The following RALGAPA1 variants were observed in gnomAD, a reference collection of about 807,000 sequenced individuals.
RALGAPA1 encodes the protein ral GTPase-activating protein subunit alpha-1.
RALGAPA1 carries 52 observed loss-of-function variants against 269.6 expected under a neutral mutation model. The ratio of observed to expected loss-of-function variants is 0.19; its 90% CI spans 0.15 to 0.24. RALGAPA1 has a LOEUF of 0.24. Ranked by LOEUF, RALGAPA1 falls within the 10% of genes least tolerant of loss-of-function variation. RALGAPA1 has a pLI of 1.00. For missense variants in RALGAPA1, 1,917 were observed against 3,013.9 expected (o/e 0.64, Z 8.52); for synonymous variants, 817 against 1,008.3 (o/e 0.81, Z 3.60).
intron 27 of RALGAPA1, among the ~76,000 whole-genome samples, chr14:35,664,423 G>C (rs1364477812): frequency 6.6e-6 from 1 of 152,176 alleles, no homozygotes; most frequent in Non-Finnish European, 1.5e-5. Flanking sequence ...AGACATGTGA[G>C]TAGGTTCAAT....
rs904080183 is a variant in RALGAPA1, at chr14:35,740,327, T to C, written c.1450-1677A>G. The stretch of plus-strand genomic sequence containing the variant: ...AATGTGGGCAACCAAAAGCTTTGTA[T>C]GGTATTTTGAAATTTGTGAGTGTTT... On this transcript the variant is annotated intron_variant, in intron 11 of 41. Coordinates refer to ENST00000680220, the MANE Select transcript of RALGAPA1 (RefSeq NM_001346249.2). 2.6e-5 allele frequency among the ~76,000 whole-genome samples: 4 copies of C among 152,214 alleles called. No homozygotes were observed. The South Asian group carries it at 6.2e-4, about 24-fold the overall frequency.
At chr14:35,757,474 A>C (rs10140509) in intron 6 of RALGAPA1, among the ~76,000 whole-genome samples, 17,444 of 152,158 alleles carry the variant, frequency 0.11, 1,672 homozygotes, top group East Asian at 0.37. Context: ...AATGTGACAA[A>C]GGGATGGACA....
intron 36 of RALGAPA1, among the ~76,000 whole-genome samples, chr14:35,602,333 G>C (rs1034432929): frequency 1.3e-5 from 2 of 152,108 alleles, no homozygotes; most frequent in African/African-American, 4.8e-5. Flanking sequence ...ATATACTTTG[G>C]GGGTAGAACT....
At chr14:35,708,407 GAAAA>G (rs1267324460) in intron 16 of RALGAPA1, among the ~76,000 whole-genome samples, 1 of 151,902 alleles carries the variant, frequency 6.6e-6, no homozygotes, top group Non-Finnish European at 1.5e-5. Context: ...AACTCTACAG[GAAAA>G]AAATTAATAA....
chr14:35,766,896 T>C (rs910566685), intron 4 of RALGAPA1: 2 of 428,656 alleles, frequency 4.7e-6, no homozygotes, highest in Non-Finnish European at 9.2e-6. Flanking sequence ...ATGGCAGGAC[T>C]GTCAGCAGTG....
At chr14:35,614,071 G>T (rs893992000) in intron 35 of RALGAPA1, among the ~76,000 whole-genome samples, 2 of 152,130 alleles carry the variant, frequency 1.3e-5, no homozygotes, top group East Asian at 1.9e-4. Context: ...AAAAAAGAAT[G>T]ACAATAACGA....
chr14:35,541,523 C>T (rs2053996214), intron 41 of RALGAPA1, among the ~76,000 whole-genome samples: 1 of 151,966 alleles, frequency 6.6e-6, no homozygotes. Flanking sequence ...GAGAAGGAAA[C>T]ATATTTCTGT....
chr14:35,654,517 G>T, intron 29 of RALGAPA1, 40 bp from the exon 30 acceptor site: 1 of 1,548,752 alleles, frequency 6.5e-7, no homozygotes, highest in South Asian at 1.3e-5. Context: ...TTTTCATGAT[G>T]AACTTTTCAT....
chr14:35,548,413 A>T, intron 41 of RALGAPA1, 95 bp downstream of exon 41: 1 of 828,026 alleles, frequency 1.2e-6, no homozygotes. Context: ...TGTTAAGTTT[A>T]CTTATTGTTT....
intron 1 of RALGAPA1, among the ~76,000 whole-genome samples, chr14:35,783,671 TG>T (rs1223894529): frequency 1.3e-5 from 2 of 152,198 alleles, no homozygotes; most frequent in African/African-American, 4.8e-5. Context: ...ATTATATACC[TG>T]ATTTTAAAAC....
intron 29 of RALGAPA1, 88 bp from the exon 30 acceptor site, chr14:35,654,565 A>C: frequency 7.1e-7 from 1 of 1,404,116 alleles, no homozygotes; most frequent in South Asian, 1.5e-5. Context: ...CATTTCATAC[A>C]TTTGTAGGAT....
chr14:35,679,027 T>A (rs1165943919), intron 21 of RALGAPA1, among the ~76,000 whole-genome samples: 4 of 152,160 alleles, frequency 2.6e-5, no homozygotes, highest in African/African-American at 4.8e-5. Flanking sequence ...ATAAACTTTG[T>A]AAGAACAGAA....
At chr14:35,556,016 CTA>C (rs2055561566) in intron 39 of RALGAPA1, among the ~76,000 whole-genome samples, 1 of 152,070 alleles carries the variant, frequency 6.6e-6, no homozygotes, top group African/African-American at 2.4e-5. Flanking sequence ...ACATTAGTGA[CTA>C]TACTACAGTA....
intron 26 of RALGAPA1, among the ~76,000 whole-genome samples, chr14:35,666,667 C>CA (rs1359552059): frequency 2.6e-5 from 4 of 151,728 alleles, no homozygotes; most frequent in Admixed American, 6.6e-5. Flanking sequence ...CCAGAAAATG[C>CA]AAAAAATGAC....
intron 41 of RALGAPA1, chr14:35,541,988 A>G: frequency 1.6e-6 from 2 of 1,233,602 alleles, no homozygotes; most frequent in Non-Finnish European, 2.1e-6. Context: ...GTGATGGTTC[A>G]CAATGACAAT....
intron 30 of RALGAPA1, among the ~76,000 whole-genome samples, chr14:35,653,365 G>A (rs1051582087): frequency 2.0e-5 from 3 of 152,218 alleles, no homozygotes; most frequent in African/African-American, 7.2e-5. Context: ...ATTCTGGTTA[G>A]GGAGAGCAGA....
At chr14:35,765,798 A>T in intron 4 of RALGAPA1, 1 of 502,732 alleles carries the variant, frequency 2.0e-6, no homozygotes, top group South Asian at 2.2e-5. Flanking sequence ...AGCCAGCCAA[A>T]AATTACTGTC....
At chr14:35,803,080 AC>A (rs2077095598) in intron 1 of RALGAPA1, among the ~76,000 whole-genome samples, 1 of 152,210 alleles carries the variant, frequency 6.6e-6, no homozygotes, top group Admixed American at 6.5e-5. Flanking sequence ...AGGAGGGACA[AC>A]ACTACTTGAT....
intron 16 of RALGAPA1, among the ~76,000 whole-genome samples, chr14:35,720,112 G>A (rs963453171): frequency 1.3e-5 from 2 of 152,118 alleles, no homozygotes; most frequent in African/African-American, 4.8e-5. Flanking sequence ...GTGAAGGAAG[G>A]CATTTCAAAT....
Sources: allele counts gnomAD v4.1 joint callset (sites outside exome capture counted in the v4.1 genomes callset), GRCh38; gene constraint gnomAD v4.1.1; transcripts MANE v1.5; gene names NCBI Gene and HGNC (gene_info 2026-07-23, HGNC 2026-07-21).